Variants in CNTNAP3 observed in about 807,000 individuals in gnomAD.
CNTNAP3 encodes the protein contactin associated protein family member 3.
Under a neutral mutation model 92.1 loss-of-function variants are expected in CNTNAP3, and 36 were observed. That is an observed-to-expected ratio of 0.39 (90% CI 0.30 to 0.52). The LOEUF (loss-of-function observed/expected upper bound fraction) is 0.52, where lower values mean the gene tolerates loss of function less well. Among genes scored for constraint, CNTNAP3 ranks in the 20% least tolerant of loss-of-function variants. The probability of loss-of-function intolerance (pLI) is 0.76; values close to 1 mark genes in which losing one functional copy is unlikely to be tolerated. For missense variants in CNTNAP3, 534 were observed against 1,069.6 expected, an observed-to-expected ratio of 0.50 and a Z score of 6.98; for synonymous variants, 232 against 422.3, an observed-to-expected ratio of 0.55 and a Z score of 5.53.
At chr9:39,109,012 C>A (rs536647773) in intron 15 of CNTNAP3, 148 bp downstream of exon 15, 3 of 1,266,982 alleles carry the variant, frequency 2.4e-6, no homozygotes, top group Non-Finnish European at 3.2e-6. Context: ...ACTGACTGTG[C>A]CTTTATGGTA....
chr9:39,092,969 G>A (rs4062925), intron 18 of CNTNAP3, among the ~76,000 whole-genome samples: 15,935 of 121,542 alleles, frequency 0.13, 1,355 homozygotes, highest in East Asian at 0.23. Context: ...AAGTTTCCCT[G>A]TTTCTAGTAG....
intron 12 of CNTNAP3, among the ~76,000 whole-genome samples, chr9:39,138,716 G>T (rs1332047207): frequency 6.6e-6 from 1 of 152,230 alleles, no homozygotes; most frequent in African/African-American, 2.4e-5. Flanking sequence ...TTAACTCTCA[G>T]ATGTGTCCAC....
chr9:39,142,945 C>G (rs1233938167), intron 11 of CNTNAP3, among the ~76,000 whole-genome samples: 6 of 151,890 alleles, frequency 4.0e-5, no homozygotes, highest in Non-Finnish European at 8.8e-5. Context: ...ATTAGGAACT[C>G]AGGATGAGCA....
chr9:39,091,812 G>C (rs1331572669), intron 18 of CNTNAP3, among the ~76,000 whole-genome samples: 1 of 151,814 alleles, frequency 6.6e-6, no homozygotes, highest in Non-Finnish European at 1.5e-5. Flanking sequence ...TTAAATAGTT[G>C]ATATATTCTG....
chr9:39,082,077 A>G (rs1825955542), intron 21 of CNTNAP3, among the ~76,000 whole-genome samples: 1 of 132,430 alleles, frequency 7.6e-6, no homozygotes, highest in African/African-American at 3.0e-5. Flanking sequence ...ACAGAGTGAA[A>G]CTCGATCTCA....
rs1825564024 is a variant in CNTNAP3 at position 39,068,579 on chromosome 9, T to C, written c.*5311A>G. ...GAGTGTTTCTTTCCCTTGCCTCAGGTAGTTTCATGCACTTTGTTACACACT... is the reference window on the plus strand; with the variant it reads ...GAGTGTTTCTTTCCCTTGCCTCAGGCAGTTTCATGCACTTTGTTACACACT... On this transcript the variant is annotated 3_prime_UTR_variant, in exon 24 of 24. Transcript: ENST00000297668. Among the ~76,000 whole-genome samples, 1 of 152,304 alleles carries C rather than the reference T, an allele frequency of 6.6e-6. No homozygotes were observed. Among genetic ancestry groups the C allele is most frequent in the South Asian group, 2.1e-4 (1 of 4,838 alleles).
intron 10 of CNTNAP3, among the ~76,000 whole-genome samples, chr9:39,149,450 C>T (rs1411352308): frequency 4.0e-5 from 6 of 151,694 alleles, no homozygotes; most frequent in Non-Finnish European, 5.9e-5. Context: ...CCCGGGTTCA[C>T]GCCATTCTCC....
intron 14 of CNTNAP3, among the ~76,000 whole-genome samples, chr9:39,116,956 C>T (rs1474124285): frequency 6.6e-6 from 1 of 151,776 alleles, no homozygotes; most frequent in African/African-American, 2.4e-5. Context: ...TATACTGACA[C>T]CTGGATTGAC....
intron 9 of CNTNAP3, among the ~76,000 whole-genome samples, chr9:39,150,198 G>T (rs1821810887): frequency 6.6e-6 from 1 of 151,810 alleles, no homozygotes; most frequent in African/African-American, 2.4e-5. Context: ...GGAAAATTCA[G>T]ATCTAAAATT....
In CNTNAP3 at chr9:39,238,763, GTTAAA is replaced by G. The variant is rs1304787896; in HGVS notation, c.390+225_390+229del. Reference sequence around the variant, plus strand: ...CACTCTAAAATAATGCAGAGGCAATGTTAAATTACTTTATTAAGCAAACCAAGAAA... The same window carrying G: ...CACTCTAAAATAATGCAGAGGCAATGTTACTTTATTAAGCAAACCAAGAAA... On this transcript the variant is annotated intron_variant, in intron 3 of 23. Coordinates refer to ENST00000297668, the MANE Select transcript of CNTNAP3 (RefSeq NM_033655.5). Among the ~76,000 whole-genome samples, 2 of 5,728 alleles carry G rather than the reference GTTAAA, an allele frequency of 3.5e-4. 1 individual carries two copies. The highest frequency in any genetic ancestry group is 3.7e-4 in the African/African-American group (2 of 5,388). 3.8% of individuals were successfully genotyped at this position (5,728 alleles called of 152,430 possible). A position where few individuals can be genotyped will look rare whatever the true frequency, so the allele number is the denominator to read the frequency against.
intron 21 of CNTNAP3, among the ~76,000 whole-genome samples, chr9:39,082,214 C>T (rs1378087943): frequency 2.0e-5 from 3 of 151,930 alleles, no homozygotes; most frequent in Non-Finnish European, 2.9e-5. Context: ...CTGGGGACTA[C>T]CACATAGGAC....
intron 17 of CNTNAP3, among the ~76,000 whole-genome samples, chr9:39,101,761 C>T (rs1399693479): frequency 6.6e-6 from 1 of 150,590 alleles, no homozygotes; most frequent in South Asian, 2.1e-4. Flanking sequence ...CTCTCTAACT[C>T]CACCGAGAAG....
intron 13 of CNTNAP3, among the ~76,000 whole-genome samples, chr9:39,119,622 A>AT (rs1055837932): frequency 1.4e-4 from 21 of 152,064 alleles, no homozygotes; most frequent in Admixed American, 5.2e-4. Context: ...GTAAAAATGT[A>AT]TTTTTTTTAG....
In CNTNAP3 at chr9:39,066,704, C is replaced by T. The variant is rs1291676243; in HGVS notation, c.*7186G>A. Among the ~76,000 whole-genome samples, 1 of 152,310 alleles carries T rather than the reference C, an allele frequency of 6.6e-6. No homozygotes were observed. Among genetic ancestry groups the T allele is most frequent in the African/African-American group, 2.4e-5 (1 of 41,488 alleles). ...AAGCATGAAAGATGTTGCTCCACTG[C>T]CCTTCCCCTTGCATTGCTTCCAAAA... On this transcript the variant is annotated 3_prime_UTR_variant, in exon 24 of 24. Transcript: ENST00000297668.
chr9:39,135,460 G>A (rs565750770), intron 12 of CNTNAP3, among the ~76,000 whole-genome samples: 4 of 152,080 alleles, frequency 2.6e-5, no homozygotes, highest in South Asian at 2.1e-4. Flanking sequence ...ACACACTGGA[G>A]GCTGTCTCAC....
chr9:39,139,775 T>C (rs1821528047), intron 12 of CNTNAP3: 1 of 151,398 alleles, frequency 6.6e-6, no homozygotes, highest in Non-Finnish European at 1.5e-5. Flanking sequence ...AGATGCAGTC[T>C]TGCTCTGTCG....
Position 39,133,163 on chromosome 9 carries a change from A to G in CNTNAP3, c.1877-28T>C, listed in dbSNP as rs554462365. The G allele has an allele frequency of 3.3e-4, 507 of 1,559,918 alleles. 2 individuals are homozygous for G. The African/African-American group carries it at 6.4e-3, about 20-fold the overall frequency. On this transcript the variant is annotated intron_variant, in intron 12 of 23. Transcript: ENST00000297668. ...GAGCAGAAACGGGCAAAGGAGAGGC[A>G]TCACTGGACGGCAGAGGCCAGCAGC...
intron 15 of CNTNAP3, among the ~76,000 whole-genome samples, chr9:39,108,251 A>T (rs1314797296): frequency 6.6e-6 from 1 of 151,966 alleles, no homozygotes; most frequent in East Asian, 1.9e-4. Flanking sequence ...GGACTCCTTC[A>T]TCAAGCAGGA....
rs1168077213 is a variant in CNTNAP3, at chr9:39,071,112, A to T, written c.*2778T>A. 6.6e-6 allele frequency among the ~76,000 whole-genome samples: 1 copy of T among 152,204 alleles called. No individual in the cohort carries two copies. Among genetic ancestry groups the T allele is most frequent in the Non-Finnish European group, 1.5e-5 (1 of 68,008 alleles). On this transcript the variant is annotated 3_prime_UTR_variant, in exon 24 of 24. Transcript: ENST00000297668. ...TATAAAACTGAGGGAGCAGGTTAAA[A>T]AAATCTTACATGTTAATACATGACT...
Sources: allele counts gnomAD v4.1 joint callset (sites outside exome capture counted in the v4.1 genomes callset), GRCh38; gene constraint gnomAD v4.1.1; transcripts MANE v1.5; gene names NCBI Gene and HGNC (gene_info 2026-07-23, HGNC 2026-07-21).